IGFBP2: variants seen among roughly 807,000 people sequenced by gnomAD.
The protein encoded by IGFBP2 is insulin like growth factor binding protein 2.
A neutral mutation model predicts 26.2 loss-of-function variants in IGFBP2; 12 were observed. The observed-to-expected ratio is 0.46, with a 90% CI of 0.29 to 0.74. IGFBP2 has a LOEUF of 0.74. IGFBP2 is among the 30% of genes least tolerant of loss of function. IGFBP2 has a pLI of 0.09. For synonymous variants in IGFBP2, 189 were observed against 200.6 expected (o/e 0.94, Z 0.49); for missense variants, 328 against 441.2 (o/e 0.74, Z 2.30).
chr2:216,650,225 A>G (rs1289871249), intron 1 of IGFBP2, among the ~76,000 whole-genome samples: 2 of 152,194 alleles, frequency 1.3e-5, no homozygotes, highest in Non-Finnish European at 2.9e-5. Flanking sequence ...CAAGCTCATC[A>G]GATGATTTCT....
At chr2:216,659,034 T>C (rs985316272) in intron 1 of IGFBP2, among the ~76,000 whole-genome samples, 6 of 152,198 alleles carry the variant, frequency 3.9e-5, no homozygotes, top group Non-Finnish European at 7.3e-5. Flanking sequence ...TACACCCCTT[T>C]AACCAGAGCT....
chr2:216,644,516 C>G (rs1049884868), intron 1 of IGFBP2, among the ~76,000 whole-genome samples: 4 of 152,034 alleles, frequency 2.6e-5, no homozygotes, highest in Non-Finnish European at 1.5e-5. Flanking sequence ...GGAAGTTGTA[C>G]CTACTCAGTG....
intron 2 of IGFBP2, 44 bp from the exon 3 acceptor site, chr2:216,661,814 C>T (rs1359322128): frequency 1.2e-6 from 2 of 1,612,526 alleles, no homozygotes; most frequent in South Asian, 1.1e-5. Context: ...CTTCGTGGGC[C>T]TGCTGTCCTC....
chr2:216,655,787 C>T (rs370576754), intron 1 of IGFBP2, among the ~76,000 whole-genome samples: 8 of 151,678 alleles, frequency 5.3e-5, no homozygotes, highest in Non-Finnish European at 8.8e-5. Flanking sequence ...TCCAGCTACT[C>T]GAGAAGCTGA....
Position 216,645,470 on chromosome 2 carries a change from A to G in IGFBP2, c.442+11505A>G, listed in dbSNP as rs9341143. Among the ~76,000 whole-genome samples, 906 of 152,334 alleles carry G rather than the reference A, an allele frequency of 5.9e-3. 6 individuals are homozygous for G. Among genetic ancestry groups the G allele is most frequent in the African/African-American group, 0.011 (437 of 41,582 alleles). ...CTGGGCTTGGTTTTGGCCACTGGCT[A>G]CATGACTTTGTGCAGTTGGCCTCCA... On this transcript the variant is annotated intron_variant, in intron 1 of 3. Coordinates refer to ENST00000233809, the MANE Select transcript of IGFBP2 (RefSeq NM_000597.3).
At chr2:216,655,571 C>G (rs545646759) in intron 1 of IGFBP2, among the ~76,000 whole-genome samples, 2 of 152,230 alleles carry the variant, frequency 1.3e-5, no homozygotes, top group Admixed American at 6.5e-5. Flanking sequence ...TATAAATTAC[C>G]CAGTCTCAGG....
chr2:216,635,361 A>G (rs957141590), intron 1 of IGFBP2, among the ~76,000 whole-genome samples: 1 of 152,064 alleles, frequency 6.6e-6, no homozygotes, highest in African/African-American at 2.4e-5. Context: ...GAAAGTAACA[A>G]TAAAAGGAAA....
intron 1 of IGFBP2, among the ~76,000 whole-genome samples, chr2:216,647,810 G>A (rs1160735839): frequency 6.6e-6 from 1 of 152,136 alleles, no homozygotes; most frequent in Non-Finnish European, 1.5e-5. Flanking sequence ...GTGAGCCACT[G>A]CGCCCGGCCC....
At chr2:216,663,863 C>T in intron 3 of IGFBP2, 77 bp from the exon 4 acceptor site, 1 of 1,493,236 alleles carries the variant, frequency 6.7e-7, no homozygotes, top group South Asian at 1.3e-5. Context: ...GGTGGCTGCT[C>T]AGTGGACGCC....
intron 1 of IGFBP2, among the ~76,000 whole-genome samples, chr2:216,635,298 C>T (rs544690870): frequency 3.5e-4 from 53 of 152,216 alleles, no homozygotes; most frequent in African/African-American, 1.2e-3. Flanking sequence ...TCCCTCGGCT[C>T]GCTTCCTTCC....
chr2:216,634,149 A>G (rs1697444790), intron 1 of IGFBP2, among the ~76,000 whole-genome samples, 184 bp downstream of exon 1: 1 of 152,204 alleles, frequency 6.6e-6, no homozygotes, highest in Non-Finnish European at 1.5e-5. Context: ...AGTTAGAGCA[A>G]GTGGAAGAGC....
At chr2:216,654,956 C>T (rs1697890336) in intron 1 of IGFBP2, among the ~76,000 whole-genome samples, 1 of 152,178 alleles carries the variant, frequency 6.6e-6, no homozygotes, top group South Asian at 2.1e-4. Context: ...CCTCCTGGGA[C>T]CTGGAGCCAG....
At chr2:216,634,308 A>C (rs547085222) in intron 1 of IGFBP2, among the ~76,000 whole-genome samples, 1 of 152,128 alleles carries the variant, frequency 6.6e-6, no homozygotes, top group Admixed American at 6.5e-5. Flanking sequence ...GGGAGTAGGA[A>C]CTCGAATCTT....
chr2:216,644,880 A>T (rs1171598815), intron 1 of IGFBP2, among the ~76,000 whole-genome samples: 2 of 152,222 alleles, frequency 1.3e-5, no homozygotes, highest in African/African-American at 4.8e-5. Context: ...GGGTCTCTAG[A>T]TTCTTCCAGC....
In IGFBP2 at chr2:216,633,684, G is replaced by A. The variant is rs1697434151; in HGVS notation, c.161G>A (p.Gly54Glu). The change falls in exon 1 of 4, where the codon GGG becomes GAG. Residue 54 changes from glycine to glutamate, a missense_variant. Coordinates refer to ENST00000233809, the MANE Select transcript of IGFBP2 (RefSeq NM_000597.3). ...PCTPERLAAC[G>E]PPPVAPPAAV... ...ACACCCGAGCGCCTGGCCGCCTGCG[G>A]GCCCCCGCCGGTTGCGCCGCCCGCC... The A allele has an allele frequency of 1.7e-6, 2 of 1,146,948 alleles. No homozygotes were observed. Among genetic ancestry groups the A allele is most frequent in the Admixed American group, 9.7e-5 (2 of 20,690 alleles). The allele number at this position is 1,146,948 out of a possible 1,614,324, so 71.0% of individuals were successfully genotyped here.
At chr2:216,636,705 G>A (rs2106186937) in intron 1 of IGFBP2, among the ~76,000 whole-genome samples, 2 of 152,312 alleles carry the variant, frequency 1.3e-5, no homozygotes, top group Admixed American at 1.3e-4. Context: ...GGTCGAGGAG[G>A]GAACAGGGTT....
chr2:216,639,283 G>A (rs1409351325), intron 1 of IGFBP2, among the ~76,000 whole-genome samples: 3 of 151,452 alleles, frequency 2.0e-5, no homozygotes, highest in Non-Finnish European at 2.9e-5. Flanking sequence ...TGATCTGCCC[G>A]CCTTGGCCTC....
At chr2:216,640,311 A>G (rs9341127) in intron 1 of IGFBP2, among the ~76,000 whole-genome samples, 5 of 152,224 alleles carry the variant, frequency 3.3e-5, no homozygotes, top group Non-Finnish European at 7.3e-5. Flanking sequence ...AAGGACTTCT[A>G]TAGGCCAGGG....
At chr2:216,662,206 G>T in intron 3 of IGFBP2, 1 of 599,318 alleles carries the variant, frequency 1.7e-6, no homozygotes, top group South Asian at 2.0e-5. Context: ...TCAGTTGCTG[G>T]CTCCACTTGC....
Sources: allele counts gnomAD v4.1 joint callset (sites outside exome capture counted in the v4.1 genomes callset), GRCh38; gene constraint gnomAD v4.1.1; transcripts MANE v1.5; gene names NCBI Gene and HGNC (gene_info 2026-07-23, HGNC 2026-07-21).